The following MAML3 variants were observed in gnomAD, a reference collection of about 807,000 sequenced individuals.
MAML3 encodes mastermind-like protein 3.
MAML3 carries 27 observed loss-of-function variants against 101.9 expected under a neutral mutation model. That is an observed-to-expected ratio of 0.27 (90% CI 0.20 to 0.37). The LOEUF (loss-of-function observed/expected upper bound fraction) is 0.37. MAML3 is among the 10% of genes least tolerant of loss of function. The pLI is 1.00. For missense variants in MAML3, 1,316 were observed against 1,444.9 expected, an observed-to-expected ratio of 0.91 and a Z score of 1.45; for synonymous variants, 501 against 555.9, an observed-to-expected ratio of 0.90 and a Z score of 1.39.
chr4:139,959,891 A>G (rs949598694), intron 1 of MAML3, among the ~76,000 whole-genome samples: 2 of 152,240 alleles, frequency 1.3e-5, no homozygotes, highest in African/African-American at 4.8e-5. Flanking sequence ...TTAGATCATT[A>G]CAGGAGATAA....
At chr4:139,809,334 A>G (rs955027111) in intron 2 of MAML3, among the ~76,000 whole-genome samples, 1 of 152,208 alleles carries the variant, frequency 6.6e-6, no homozygotes, top group African/African-American at 2.4e-5. Flanking sequence ...TTCTGTATTT[A>G]TCTTGAGAGG....
At chr4:139,893,738 C>T (rs1732549220) in intron 1 of MAML3, among the ~76,000 whole-genome samples, 1 of 152,002 alleles carries the variant, frequency 6.6e-6, no homozygotes, top group Admixed American at 6.6e-5. Context: ...TTTTAAAAGT[C>T]CAGTTATGAA....
At chr4:139,805,165 C>A (rs1578609777) in intron 2 of MAML3, among the ~76,000 whole-genome samples, 1 of 152,098 alleles carries the variant, frequency 6.6e-6, no homozygotes, top group African/African-American at 2.4e-5. Flanking sequence ...GCCTGGGCAA[C>A]AAGAGCGAAA....
chr4:140,046,908 G>A (rs1727192805), intron 1 of MAML3, among the ~76,000 whole-genome samples: 1 of 152,086 alleles, frequency 6.6e-6, no homozygotes, highest in African/African-American at 2.4e-5. Context: ...TGGAATATAG[G>A]AGAGTGGCTA....
chr4:139,971,640 T>G (rs981532080), intron 1 of MAML3, among the ~76,000 whole-genome samples: 1 of 152,252 alleles, frequency 6.6e-6, no homozygotes, highest in Non-Finnish European at 1.5e-5. Context: ...TTTTAATTTT[T>G]TTTCTTATTT....
At chr4:139,844,967 T>G (rs1015900427) in intron 2 of MAML3, among the ~76,000 whole-genome samples, 2 of 152,220 alleles carry the variant, frequency 1.3e-5, no homozygotes, top group African/African-American at 2.4e-5. Context: ...GAAGAGACTT[T>G]CTATTTCTCT....
intron 1 of MAML3, among the ~76,000 whole-genome samples, chr4:139,984,505 T>C (rs2110814904): frequency 6.6e-6 from 1 of 152,310 alleles, no homozygotes; most frequent in African/African-American, 2.4e-5. Flanking sequence ...CCACTTATTA[T>C]AGCATAGCCT....
intron 2 of MAML3, among the ~76,000 whole-genome samples, chr4:139,810,020 T>C (rs1578611961): frequency 6.6e-6 from 1 of 152,056 alleles, no homozygotes; most frequent in African/African-American, 2.4e-5. Context: ...TGGATAGTTA[T>C]AAAGGGAAGA....
intron 1 of MAML3, among the ~76,000 whole-genome samples, chr4:139,914,870 A>G (rs1394096943): frequency 6.6e-6 from 1 of 152,230 alleles, no homozygotes; most frequent in Non-Finnish European, 1.5e-5. Flanking sequence ...TTCACAGACA[A>G]AGGGAGCCAA....
chr4:140,149,943 T>TTTC (rs1553981685), intron 1 of MAML3, among the ~76,000 whole-genome samples: 3 of 146,778 alleles, frequency 2.0e-5, no homozygotes, highest in Admixed American at 6.8e-5. Context: ...TTCTTTCTTT[T>TTTC]TTTTTTTTTT....
At chr4:140,101,120 A>G (rs923114956) in intron 1 of MAML3, among the ~76,000 whole-genome samples, 2 of 152,176 alleles carry the variant, frequency 1.3e-5, no homozygotes, top group Non-Finnish European at 2.9e-5. Flanking sequence ...AAGGGACCAG[A>G]GTCGACGCTA....
chr4:140,013,629 G>A (rs550079027), intron 1 of MAML3, among the ~76,000 whole-genome samples: 1 of 152,152 alleles, frequency 6.6e-6, no homozygotes, highest in Admixed American at 6.5e-5. Flanking sequence ...CCATTTTCTA[G>A]ATGAATAAAC....
At position 139,730,425 on chromosome 4, in the gene MAML3, C is replaced by A; in HGVS notation, c.2322G>T (p.Leu774Phe). The A allele has an allele frequency of 6.8e-7, 1 of 1,469,318 alleles. No homozygotes were observed. The highest frequency in any genetic ancestry group is 9.0e-7 in the Non-Finnish European group (1 of 1,115,770). 91.0% of individuals were successfully genotyped at this position (1,469,318 alleles called of 1,614,324 possible). A position where few individuals can be genotyped will look rare whatever the true frequency, so the allele number is the denominator to read the frequency against. Residue 774 changes from leucine (L) to phenylalanine (F), a missense_variant, in exon 3 of 5, where the codon TTG becomes TTT. Coordinates refer to ENST00000509479, the MANE Select transcript of MAML3 (RefSeq NM_018717.5). ...QQQQQQQQQI[L>F]AEQQLQQSHL... ...CCAAGGGGCATGTTACCTGTTCCGC[C>A]AAAATCTGCTGCTGCTGCTGCTGCT...
chr4:139,871,372 G>GT (rs571696751), intron 2 of MAML3, among the ~76,000 whole-genome samples: 4 of 152,022 alleles, frequency 2.6e-5, no homozygotes, highest in African/African-American at 9.7e-5. Flanking sequence ...GCCATCCTCA[G>GT]TTTTTTTTAA....
At chr4:140,005,780 A>T (rs1483142568) in intron 1 of MAML3, among the ~76,000 whole-genome samples, 3 of 152,252 alleles carry the variant, frequency 2.0e-5, no homozygotes, top group Non-Finnish European at 4.4e-5. Flanking sequence ...AAAATATTCT[A>T]ATATGCACAC....
intron 2 of MAML3, among the ~76,000 whole-genome samples, chr4:139,846,578 G>A (rs1731452783): frequency 6.6e-6 from 1 of 152,104 alleles, no homozygotes; most frequent in South Asian, 2.1e-4. Context: ...GAACTCCTGG[G>A]CTCAAGCAAT....
intron 1 of MAML3, among the ~76,000 whole-genome samples, chr4:140,147,935 C>T (rs2111063290): frequency 7.7e-6 from 1 of 129,124 alleles, no homozygotes; most frequent in Middle Eastern, 3.9e-3. Flanking sequence ...TGTGTGTGTG[C>T]ACGTGCATGC....
intron 2 of MAML3, among the ~76,000 whole-genome samples, chr4:139,887,117 G>T (rs149077073): frequency 1.6e-4 from 24 of 152,276 alleles, no homozygotes; most frequent in Non-Finnish European, 1.2e-4. Context: ...ATTCGTGCTC[G>T]TATTTGTGGA....
intron 2 of MAML3, among the ~76,000 whole-genome samples, chr4:139,739,361 C>G (rs1729073797): frequency 6.6e-6 from 1 of 152,178 alleles, no homozygotes; most frequent in South Asian, 2.1e-4. Context: ...ACCATTTGTC[C>G]TTATCAGTGC....
Sources: allele counts gnomAD v4.1 joint callset (sites outside exome capture counted in the v4.1 genomes callset), GRCh38; gene constraint gnomAD v4.1.1; transcripts MANE v1.5; gene names NCBI Gene and HGNC (gene_info 2026-07-23, HGNC 2026-07-21).